CASK: variants seen among roughly 807,000 people sequenced by gnomAD.
The protein encoded by CASK is peripheral plasma membrane protein CASK.
A neutral mutation model predicts 82.9 loss-of-function variants in CASK; 4 were observed. That is an observed-to-expected ratio of 0.05 (90% CI 0.02 to 0.11). The LOEUF is 0.11. Ranked by LOEUF, CASK falls within the 10% of genes least tolerant of loss-of-function variation. The pLI is 1.00. For missense variants in CASK, 358 were observed against 720.9 expected (o/e 0.50, Z 5.76); for synonymous variants, 259 against 253.5 (o/e 1.02, Z -0.20).
intron 5 of CASK, chrX:41,727,313 C>T (rs1388133296): frequency 1.7e-6 from 2 of 1,206,410 alleles, no homozygotes; most frequent in Admixed American, 4.4e-5. Context: ...TTTCTGGGAA[C>T]TCTATCCATG....
chrX:41,871,256 T>A (rs1488736875), intron 1 of CASK, among the ~76,000 whole-genome samples: 1 of 112,268 alleles, frequency 8.9e-6, no homozygotes, highest in Non-Finnish European at 1.9e-5. Context: ...TGACTCTCTT[T>A]ACTTAGGTAA....
intron 1 of CASK, among the ~76,000 whole-genome samples, chrX:41,884,531 T>C (rs988103747): frequency 8.9e-6 from 1 of 112,222 alleles, no homozygotes; most frequent in African/African-American, 3.2e-5. Context: ...TAATCATCCA[T>C]CTGCTTCTTT....
At chrX:41,644,254 G>A (rs1478266854) in intron 8 of CASK, among the ~76,000 whole-genome samples, 2 of 111,925 alleles carry the variant, frequency 1.8e-5, no homozygotes, top group Admixed American at 1.9e-4. Flanking sequence ...TAAACAGAAG[G>A]ACTGGCTGAA....
chrX:41,706,948 C>T (rs1191103841), intron 5 of CASK, among the ~76,000 whole-genome samples: 1 of 112,158 alleles, frequency 8.9e-6, no homozygotes, highest in Non-Finnish European at 1.9e-5. Context: ...AGGAATATTA[C>T]CCAGGAAACT....
Position 41,648,567 on chromosome X carries a change from C to T in CASK, c.831+11872G>A, listed in dbSNP as rs187362876. On this transcript the variant is annotated intron_variant, in intron 8 of 26. Transcript: ENST00000378163. Reference sequence around the variant, plus strand: ...CATCACAGATCCTACCAACGTGTGACGTCTCCCCTGGATGCCCAGCTTTAA... The same window carrying T: ...CATCACAGATCCTACCAACGTGTGATGTCTCCCCTGGATGCCCAGCTTTAA... Among the ~76,000 whole-genome samples the T allele has an allele frequency of 5.4e-3, 600 of 111,521 alleles. 2 individuals carry two copies. The highest frequency in any genetic ancestry group is 9.2e-3 in the Middle Eastern group (2 of 217).
chrX:41,544,135 G>A (rs762501473), intron 21 of CASK, among the ~76,000 whole-genome samples: 8 of 112,360 alleles, frequency 7.1e-5, no homozygotes, highest in East Asian at 2.8e-4. Context: ...ATTAATATAC[G>A]TGTTGCAGAT....
At chrX:41,560,194 A>C in intron 17 of CASK, among the ~76,000 whole-genome samples, 1 of 112,297 alleles carries the variant, frequency 8.9e-6, no homozygotes, top group Non-Finnish European at 1.9e-5. Context: ...AATTACATAA[A>C]AATTACATTG....
At chrX:41,569,931 A>C (rs1204993950) in intron 15 of CASK, among the ~76,000 whole-genome samples, 185 bp from the exon 16 acceptor site, 1 of 105,290 alleles carries the variant, frequency 9.5e-6, no homozygotes. Flanking sequence ...CAAAAATACT[A>C]TTTTTGATTT....
At chrX:41,715,164 CCT>C (rs894873750) in intron 5 of CASK, among the ~76,000 whole-genome samples, 2 of 112,495 alleles carry the variant, frequency 1.8e-5, no homozygotes, top group East Asian at 2.8e-4. Context: ...AGCAAAAACC[CCT>C]GTGTTTGATT....
intron 5 of CASK, among the ~76,000 whole-genome samples, chrX:41,722,808 C>T (rs370663620): frequency 8.9e-6 from 1 of 112,475 alleles, no homozygotes; most frequent in Non-Finnish European, 1.9e-5. Context: ...GGACCAAAGA[C>T]GCTTATGCCT....
intron 4 of CASK, 171 bp downstream of exon 4, chrX:41,745,353 G>T: frequency 2.1e-6 from 1 of 485,382 alleles, no homozygotes; most frequent in Non-Finnish European, 3.7e-6. Context: ...TCATTGTTCG[G>T]TATTTTGCAT....
Position 41,917,581 on chromosome X carries a change from G to A in CASK, c.59+5349C>T, listed in dbSNP as rs140842657. ...TACACAATTTAGGGACACTTGAGAC[G>A]TAGTTCATCAGGTGAAACTGTTGCA... On this transcript the variant is annotated intron_variant, in intron 1 of 26. Coordinates refer to ENST00000378163, the MANE Select transcript of CASK (RefSeq NM_001367721.1). Among the ~76,000 whole-genome samples the A allele has an allele frequency of 2.9e-3, 327 of 112,146 alleles. 1 individual carries two copies. The highest frequency in any genetic ancestry group is 3.0e-3 in the Non-Finnish European group (158 of 53,214).
At chrX:41,529,945 G>A (rs752931015) in intron 25 of CASK, among the ~76,000 whole-genome samples, 1 of 111,833 alleles carries the variant, frequency 8.9e-6, no homozygotes, top group Non-Finnish European at 1.9e-5. Context: ...TATAGGTTCT[G>A]TCCTTGCTTT....
chrX:41,717,264 T>C (rs2068078274), intron 5 of CASK, among the ~76,000 whole-genome samples: 1 of 112,401 alleles, frequency 8.9e-6, no homozygotes, highest in Admixed American at 9.5e-5. Context: ...AGACGCACGC[T>C]TCTATGGAAG....
intron 8 of CASK, among the ~76,000 whole-genome samples, chrX:41,657,516 T>C (rs1036668813): frequency 8.9e-6 from 1 of 111,738 alleles, no homozygotes; most frequent in Non-Finnish European, 1.9e-5. Flanking sequence ...TATTCTTTTA[T>C]ATTTCTTTTT....
intron 12 of CASK, among the ~76,000 whole-genome samples, chrX:41,598,625 G>A (rs1478911585): frequency 1.8e-5 from 2 of 111,869 alleles, no homozygotes; most frequent in African/African-American, 3.2e-5. Context: ...GCCTCCCAAC[G>A]TGTTAGGATT....
At chrX:41,888,957 G>A (rs893265765) in intron 1 of CASK, among the ~76,000 whole-genome samples, 2 of 109,556 alleles carry the variant, frequency 1.8e-5, no homozygotes, top group African/African-American at 6.6e-5. Flanking sequence ...ATAAACGTGT[G>A]TGCAAGTATC....
At chrX:41,815,117 T>TA (rs1272670008) in intron 2 of CASK, among the ~76,000 whole-genome samples, 2 of 110,961 alleles carry the variant, frequency 1.8e-5, no homozygotes, top group South Asian at 3.8e-4. Flanking sequence ...GACTGAGGTA[T>TA]AAAAAAAGTC....
intron 2 of CASK, among the ~76,000 whole-genome samples, chrX:41,794,066 T>C (rs1171150169): frequency 1.8e-5 from 2 of 112,163 alleles, no homozygotes; most frequent in Non-Finnish European, 3.8e-5. Context: ...ATTTCTTTGA[T>C]TCTTTTTTAC....
Sources: allele counts gnomAD v4.1 joint callset (sites outside exome capture counted in the v4.1 genomes callset), GRCh38; gene constraint gnomAD v4.1.1; transcripts MANE v1.5; gene names NCBI Gene and HGNC (gene_info 2026-07-23, HGNC 2026-07-21).